CRCP: variants seen among roughly 807,000 people sequenced by gnomAD.
CRCP encodes the protein DNA-directed RNA polymerase III subunit RPC9.
Under a neutral mutation model 18.5 loss-of-function variants are expected in CRCP, and 18 were observed. The ratio of observed to expected loss-of-function variants is 0.97; its 90% CI spans 0.67 to 1.44. The LOEUF (loss-of-function observed/expected upper bound fraction) is 1.44. CRCP is among the 40% of genes most tolerant of loss of function. CRCP has a pLI of 0.00. For missense variants in CRCP, 130 were observed against 176.4 expected (o/e 0.74, Z 1.49); for synonymous variants, 53 against 62.9 (o/e 0.84, Z 0.75).
intron 1 of CRCP, among the ~76,000 whole-genome samples, chr7:66,115,804 T>C (rs769576255): frequency 1.3e-5 from 2 of 152,186 alleles, no homozygotes; most frequent in Admixed American, 6.5e-5. Flanking sequence ...ATTTTTACAT[T>C]TTTAATTAAT....
At chr7:66,116,695 A>G (rs887816548) in intron 1 of CRCP, among the ~76,000 whole-genome samples, 1 of 152,020 alleles carries the variant, frequency 6.6e-6, no homozygotes, top group Admixed American at 6.6e-5. Context: ...GTCCCCACAT[A>G]CATGTCCCCC....
At chr7:66,121,982 G>C (rs1317350879) in intron 1 of CRCP, among the ~76,000 whole-genome samples, 1 of 152,162 alleles carries the variant, frequency 6.6e-6, no homozygotes, top group African/African-American at 2.4e-5. Context: ...CCAGAGTTTA[G>C]GTTTTCAGAG....
Position 66,145,456 on chromosome 7 carries a change from CA to C in CRCP, c.254del (p.Gln85ArgfsTer3). 6.2e-7 allele frequency: 1 copy of C among 1,613,904 alleles called. No homozygotes were observed. The highest frequency in any genetic ancestry group is 8.5e-7 in the Non-Finnish European group (1 of 1,179,882). On this transcript the variant is annotated frameshift_variant, in exon 5 of 6. Transcript: ENST00000395326. LOFTEE classifies it high-confidence loss of function. ...TTCCCTCCACAGAGCTGAGAAGCTCCAGCTGCTGAACCACCGGCCTGTGACT... is the reference window on the plus strand; with the variant it reads ...TTCCCTCCACAGAGCTGAGAAGCTCCGCTGCTGAACCACCGGCCTGTGACT... ...SHKLTKAEKL[Q>X]LLNHRPVTAV...
At chr7:66,117,812 C>G (rs1562756808) in intron 1 of CRCP, among the ~76,000 whole-genome samples, 1 of 152,186 alleles carries the variant, frequency 6.6e-6, no homozygotes, top group Non-Finnish European at 1.5e-5. Context: ...ACTCCCCAGC[C>G]TTACCACTTG....
rs201761928 is a variant in CRCP at position 66,139,719 on chromosome 7, G to A, written c.239+5345G>A. On this transcript the variant is annotated intron_variant, in intron 4 of 5. Coordinates refer to ENST00000395326, the MANE Select transcript of CRCP (RefSeq NM_014478.5). ...TCTTTGCATATGGGACTGGACTGGC[G>A]GTGGAACTTGCTCCCTTCTCACTTG... 3.3e-5 allele frequency among the ~76,000 whole-genome samples: 5 copies of A among 152,172 alleles called. No individual in the cohort carries two copies. The East Asian group carries it at 7.7e-4, about 23-fold the overall frequency.
At chr7:66,122,038 A>G (rs994761821) in intron 1 of CRCP, among the ~76,000 whole-genome samples, 6 of 152,116 alleles carry the variant, frequency 3.9e-5, no homozygotes, top group Non-Finnish European at 5.9e-5. Flanking sequence ...TTGAGCAATT[A>G]TTTTCGTCAT....
intron 5 of CRCP, among the ~76,000 whole-genome samples, chr7:66,147,637 A>G (rs980845645): frequency 2.0e-5 from 3 of 152,128 alleles, no homozygotes; most frequent in African/African-American, 7.2e-5. Flanking sequence ...CTTGGTAGAA[A>G]CTGCTGTTTC....
intron 1 of CRCP, among the ~76,000 whole-genome samples, chr7:66,123,233 T>C (rs4441996): frequency 0.77 from 116,788 of 152,042 alleles, 45,055 homozygotes; most frequent in African/African-American, 0.82. Flanking sequence ...GGATTACAGG[T>C]GTGAGCCACT....
chr7:66,143,722 G>A (rs1158196594), intron 4 of CRCP, among the ~76,000 whole-genome samples: 3 of 152,174 alleles, frequency 2.0e-5, no homozygotes, highest in Non-Finnish European at 4.4e-5. Flanking sequence ...AGAAGCAGAT[G>A]GCCAAGAACA....
intron 3 of CRCP, among the ~76,000 whole-genome samples, chr7:66,134,015 C>T (rs1265447452): frequency 1.3e-5 from 2 of 151,568 alleles, no homozygotes; most frequent in Non-Finnish European, 1.5e-5. Context: ...TGCACCTCCA[C>T]ACCCAGCTAA....
At chr7:66,145,335 C>T (rs928541715) in intron 4 of CRCP, 108 bp from the exon 5 acceptor site, 5 of 1,100,662 alleles carry the variant, frequency 4.5e-6, no homozygotes, top group Non-Finnish European at 6.9e-6. Context: ...GGGCCACACT[C>T]CAGTGGTTCT....
At chr7:66,115,519 G>A (rs945390515) in intron 1 of CRCP, among the ~76,000 whole-genome samples, 6 of 152,146 alleles carry the variant, frequency 3.9e-5, no homozygotes, top group Non-Finnish European at 5.9e-5. Flanking sequence ...CCAGGACTGG[G>A]ACCAGAGAAA....
At chr7:66,134,532 G>A in intron 4 of CRCP, 158 bp downstream of exon 4, 1 of 454,568 alleles carries the variant, frequency 2.2e-6, no homozygotes, top group South Asian at 3.2e-5. Flanking sequence ...AGGGACTAGA[G>A]TAAGGAACAA....
Position 66,154,248 on chromosome 7 carries a change from T to C in CRCP, c.*1891T>C, listed in dbSNP as rs1326975378. 2.7e-5 allele frequency: 4 copies of C among 147,440 alleles called. No homozygotes were observed. Among genetic ancestry groups the C allele is most frequent in the Non-Finnish European group, 5.9e-5 (4 of 67,256 alleles). 9.1% of individuals were successfully genotyped at this position (147,440 alleles called of 1,614,324 possible). On this transcript the variant is annotated 3_prime_UTR_variant, in exon 6 of 6. Transcript: ENST00000395326. The stretch of plus-strand genomic sequence containing the variant: ...AGGAGTGCAGTGGCACGATCTCTGC[T>C]CACTGCAACCTCTGCCTCCCAGATT...
intron 1 of CRCP, among the ~76,000 whole-genome samples, chr7:66,127,085 C>T (rs975272347): frequency 1.3e-5 from 2 of 152,230 alleles, no homozygotes; most frequent in African/African-American, 4.8e-5. Context: ...AATCTGATTT[C>T]AAAACTATGT....
chr7:66,151,881 C>G (rs1788486744), intron 5 of CRCP, among the ~76,000 whole-genome samples: 1 of 151,208 alleles, frequency 6.6e-6, no homozygotes, highest in African/African-American at 2.4e-5. Context: ...TGGCACACAC[C>G]ACCATGCTTG....
Position 66,127,644 on chromosome 7 carries a change from AT to A in CRCP, c.9-57del, listed in dbSNP as rs1265852765. ...ATCTTGACAGGAATTCTTTTACAGA[AT>A]TTGATACCCAGAAAGGGGTGTGAGC... On this transcript the variant is annotated intron_variant, in intron 1 of 5. Coordinates refer to ENST00000395326, the MANE Select transcript of CRCP (RefSeq NM_014478.5). The A allele has an allele frequency of 5.0e-6, 8 of 1,585,810 alleles. No individual in the cohort carries two copies. The African/African-American group carries it at 1.1e-4, about 21-fold the overall frequency.
rs927268725 is a variant in CRCP, at chr7:66,126,010, C to G, written c.9-1694C>G. Among the ~76,000 whole-genome samples the G allele has an allele frequency of 6.7e-5, 10 of 149,524 alleles. 1 individual carries two copies. Among genetic ancestry groups the G allele is most frequent in the African/African-American group, 2.4e-4 (10 of 41,306 alleles). ...TTTCAATTTTAAATGAACTCTGTCA[C>G]ATGCACTAATTATGCATTGTCCTTC... On this transcript the variant is annotated intron_variant, in intron 1 of 5. Transcript: ENST00000395326.
At chr7:66,134,470 G>A (rs1174383654) in intron 4 of CRCP, 96 bp downstream of exon 4, 1 of 885,460 alleles carries the variant, frequency 1.1e-6, no homozygotes, top group Non-Finnish European at 1.8e-6. Context: ...GCTGGGTTTG[G>A]ATTTAAAGAA....
Sources: allele counts gnomAD v4.1 joint callset (sites outside exome capture counted in the v4.1 genomes callset), GRCh38; gene constraint gnomAD v4.1.1; transcripts MANE v1.5; gene names NCBI Gene and HGNC (gene_info 2026-07-23, HGNC 2026-07-21).